Variants in RYR2 observed in about 807,000 individuals in gnomAD.
The protein encoded by RYR2 is ryanodine receptor 2, also known as cardiac muscle ryanodine receptor-calcium release channel.
A neutral mutation model predicts 601.1 loss-of-function variants in RYR2; 227 were observed. That is an observed-to-expected ratio of 0.38 (90% CI 0.34 to 0.42). The LOEUF (loss-of-function observed/expected upper bound fraction) is 0.42. Ranked by LOEUF, RYR2 falls within the 10% of genes least tolerant of loss-of-function variation. The pLI is 1.00. For synonymous variants in RYR2, 2,223 were observed against 2,175.1 expected (o/e 1.02, Z -0.61); for missense variants, 4,646 against 6,156.5 (o/e 0.75, Z 8.21).
Position 237,369,508 on chromosome 1 carries a change from TCTC to T in RYR2, c.310-23_310-21del, listed in dbSNP as rs547213887. The stretch of plus-strand genomic sequence containing the variant: ...ACTCTTTTGTGTTTTTCTCTCTTGT[TCTC>T]CTTTTTTCTCTTCTCTCTAAAGACT... On this transcript the variant is annotated intron_variant, in intron 5 of 104. Transcript: ENST00000366574. 6.2e-4 allele frequency: 952 copies of T among 1,544,126 alleles called. 1 individual carries two copies. Among genetic ancestry groups the T allele is most frequent in the Non-Finnish European group, 7.8e-4 (894 of 1,138,950 alleles).
chr1:237,805,019 T>C (rs1660457193), intron 98 of RYR2, among the ~76,000 whole-genome samples: 1 of 152,106 alleles, frequency 6.6e-6, no homozygotes, highest in Non-Finnish European at 1.5e-5. Flanking sequence ...TGGCATCTAG[T>C]TGATGCTGCT....
At chr1:237,255,778 G>T (rs1687898105) in intron 1 of RYR2, among the ~76,000 whole-genome samples, 2 of 151,856 alleles carry the variant, frequency 1.3e-5, no homozygotes, top group South Asian at 4.1e-4. Flanking sequence ...TTGATTGCAG[G>T]ATTGTATCTG....
At chr1:237,556,880 C>CA (rs869116177) in intron 27 of RYR2, among the ~76,000 whole-genome samples, 1,776 of 77,646 alleles carry the variant, frequency 0.023, 118 homozygotes, top group East Asian at 0.03. Flanking sequence ...TCCCTCCCAC[C>CA]AAAAAAAAAA....
chr1:237,675,973 A>G (rs892181575), intron 60 of RYR2, among the ~76,000 whole-genome samples: 5 of 152,194 alleles, frequency 3.3e-5, no homozygotes, highest in Non-Finnish European at 7.4e-5. Flanking sequence ...TCATATAACT[A>G]ACAATTTTTA....
intron 24 of RYR2, among the ~76,000 whole-genome samples, chr1:237,526,324 T>C (rs1179593414): frequency 6.6e-6 from 1 of 151,510 alleles, no homozygotes. Flanking sequence ...GAAATGTCTA[T>C]TTATGTCCTT....
intron 76 of RYR2, among the ~76,000 whole-genome samples, chr1:237,729,286 T>C (rs188172569): frequency 1.7e-3 from 254 of 152,342 alleles, no homozygotes; most frequent in South Asian, 6.6e-3. Context: ...CCTCAACTTA[T>C]TAAATTAGAA....
At chr1:237,461,804 G>A (rs1310157148) in intron 16 of RYR2, among the ~76,000 whole-genome samples, 1 of 150,048 alleles carries the variant, frequency 6.7e-6, no homozygotes, top group Non-Finnish European at 1.5e-5. Context: ...TAATTTTAGT[G>A]GGAGATGGGG....
intron 42 of RYR2, among the ~76,000 whole-genome samples, chr1:237,631,837 C>T (rs956562117): frequency 6.1e-5 from 9 of 148,334 alleles, no homozygotes; most frequent in East Asian, 4.0e-4. Flanking sequence ...ACTGTGTTAG[C>T]CAGGATGGTC....
intron 12 of RYR2, among the ~76,000 whole-genome samples, chr1:237,430,982 G>A (rs567776266): frequency 4.6e-5 from 7 of 152,156 alleles, no homozygotes; most frequent in Non-Finnish European, 7.4e-5. Context: ...AGGTAGAGAG[G>A]CCGAAGAGCC....
At chr1:237,443,341 G>C (rs1708076137) in intron 13 of RYR2, among the ~76,000 whole-genome samples, 1 of 151,986 alleles carries the variant, frequency 6.6e-6, no homozygotes, top group African/African-American at 2.4e-5. Flanking sequence ...GTCGTAACTT[G>C]CATCCTGAGG....
intron 2 of RYR2, among the ~76,000 whole-genome samples, chr1:237,318,907 G>A (rs755731864): frequency 9.9e-5 from 15 of 151,964 alleles, no homozygotes; most frequent in African/African-American, 2.2e-4. Context: ...TTTTCTGACC[G>A]CTTCTTTCTC....
chr1:237,707,079 C>T lies in RYR2; in HGVS notation c.9711C>T (p.Val3237=). ...CTCAAATGCCACATGTCATGGAAGTCATACTGCCCATGCTTTGCAGCTACA... is the reference window on the plus strand; with the variant it reads ...CTCAAATGCCACATGTCATGGAAGTTATACTGCCCATGCTTTGCAGCTACA... ...RYTQMPHVME[V]ILPMLCSYMS... Residue 3237 remains valine, a synonymous_variant, in exon 68 of 105, where the codon GTC becomes GTT. Coordinates refer to ENST00000366574, the MANE Select transcript of RYR2 (RefSeq NM_001035.3). 6.2e-7 allele frequency: 1 copy of T among 1,613,924 alleles called. No individual in the cohort carries two copies. Among genetic ancestry groups the T allele is most frequent in the South Asian group, 1.1e-5 (1 of 91,076 alleles).
At chr1:237,206,981 A>T (rs1681882091) in intron 1 of RYR2, among the ~76,000 whole-genome samples, 1 of 152,154 alleles carries the variant, frequency 6.6e-6, no homozygotes, top group Admixed American at 6.5e-5. Context: ...AACAAAATCT[A>T]TTTATTCACT....
chr1:237,631,815 A>G (rs1680325403), intron 42 of RYR2, among the ~76,000 whole-genome samples: 1 of 151,136 alleles, frequency 6.6e-6, no homozygotes, highest in African/African-American at 2.4e-5. Context: ...TTTTTAGTAG[A>G]GACGGGGTTT....
chr1:237,759,067 T>C (rs1255967142), intron 82 of RYR2, among the ~76,000 whole-genome samples: 1 of 152,164 alleles, frequency 6.6e-6, no homozygotes, highest in Non-Finnish European at 1.5e-5. Flanking sequence ...GTCACAACTC[T>C]CAGATTGTAA....
At position 237,548,441 on chromosome 1, in the gene RYR2, A is replaced by T; in HGVS notation, c.2917A>T (p.Thr973Ser). 6.2e-7 allele frequency: 1 copy of T among 1,613,838 alleles called. No individual in the cohort carries two copies. The highest frequency in any genetic ancestry group is 8.5e-7 in the Non-Finnish European group (1 of 1,179,824). ...GTCTCTGATTTGTAGTTACCAGCTG[A>T]CAAGTGGATACAAGCCTGCCCCTAT... is the stretch of plus-strand genomic sequence containing the variant. ...KMKLPKNYQL[T>S]SGYKPAPMDL... The change falls in exon 26 of 105, where the codon ACA (threonine) becomes TCA (serine). Residue 973 changes from threonine to serine, a missense_variant. Physicochemically the swap from Thr to Ser is moderately conservative, Grantham distance 58. Coordinates refer to ENST00000366574, the MANE Select transcript of RYR2 (RefSeq NM_001035.3).
At chr1:237,157,295 C>CAAAAAAAAAAAAAAAAAAAAAAAAAAAAA (rs33922740) in intron 1 of RYR2, among the ~76,000 whole-genome samples, 6 of 63,502 alleles carry the variant, frequency 9.4e-5, no homozygotes, top group Non-Finnish European at 1.3e-4. Context: ...GACTCCATCT[C>CAAAAAAAAAAAAAAAAAAAAAAAAAAAAA]AAAAAAAAAA....
intron 1 of RYR2, among the ~76,000 whole-genome samples, chr1:237,046,287 G>A (rs1426376553): frequency 2.0e-5 from 3 of 152,164 alleles, no homozygotes; most frequent in African/African-American, 4.8e-5. Context: ...AGTGCAGAAC[G>A]AGGACTAAAA....
intron 1 of RYR2, among the ~76,000 whole-genome samples, chr1:237,072,493 T>C (rs189560233): frequency 7.6e-4 from 104 of 137,072 alleles, no homozygotes; most frequent in African/African-American, 3.3e-3. Context: ...TCATTAGAGA[T>C]TTTTTCTTTA....
Sources: allele counts gnomAD v4.1 joint callset (sites outside exome capture counted in the v4.1 genomes callset), GRCh38; gene constraint gnomAD v4.1.1; transcripts MANE v1.5; gene names NCBI Gene and HGNC (gene_info 2026-07-23, HGNC 2026-07-21).